The following MALT1 variants were observed in gnomAD, a reference collection of about 807,000 sequenced individuals.
MALT1 encodes the protein MALT1 paracaspase, also known as mucosa-associated lymphoid tissue lymphoma translocation protein 1.
A neutral mutation model predicts 85.5 loss-of-function variants in MALT1; 36 were observed. The observed-to-expected ratio is 0.42, with a 90% confidence interval of 0.32 to 0.56. MALT1 has a LOEUF of 0.56. Among genes scored for constraint, MALT1 ranks in the 20% least tolerant of loss-of-function variants. The pLI is 0.10. For synonymous variants in MALT1, 359 were observed against 361.3 expected (o/e 0.99, Z 0.07); for missense variants, 716 against 981.6 (o/e 0.73, Z 3.62).
At chr18:58,744,558 T>G in intron 15 of MALT1, 63 bp downstream of exon 15, 1 of 991,300 alleles carries the variant, frequency 1.0e-6, no homozygotes, top group Non-Finnish European at 1.5e-6. Flanking sequence ...ACTAAATTTT[T>G]TAAAACTTAA....
rs1276481087 is a variant in MALT1 at position 58,752,174 on chromosome 18, A to G, written c.*4332A>G. 6.6e-6 allele frequency: 1 copy of G among 152,106 alleles called. No individual in the cohort carries two copies. The highest frequency in any genetic ancestry group is 6.5e-5 in the Admixed American group (1 of 15,272). The allele number at this position is 152,106 out of a possible 1,614,324, so 9.4% of individuals were successfully genotyped here. A position where few individuals can be genotyped will look rare whatever the true frequency, so the allele number is the denominator to read the frequency against. The stretch of plus-strand genomic sequence containing the variant: ...ATAAGCTTTTTTTTGTTTGTTTTTA[A>G]TTTTATTAGAAGTGGGATCTCATTT... On this transcript the variant is annotated 3_prime_UTR_variant, in exon 17 of 17. Coordinates refer to ENST00000649217, the MANE Select transcript of MALT1 (RefSeq NM_006785.4).
In MALT1 at chr18:58,726,258, G is replaced by A. The variant is rs532779479; in HGVS notation, c.1222+3007G>A. Among the ~76,000 whole-genome samples the A allele has an allele frequency of 5.8e-4, 89 of 152,298 alleles. 1 individual carries two copies. The highest frequency in any genetic ancestry group is 2.0e-3 in the African/African-American group (85 of 41,560). On this transcript the variant is annotated intron_variant, in intron 10 of 16. Transcript: ENST00000649217. ...GAAAACTTTTAAATCCTACTGATTCGTGTCTTAACAGGGTGGCTGCATTAT... is the reference window on the plus strand; with the variant it reads ...GAAAACTTTTAAATCCTACTGATTCATGTCTTAACAGGGTGGCTGCATTAT...
intron 1 of MALT1, among the ~76,000 whole-genome samples, chr18:58,675,616 T>C (rs112361301): frequency 4.3e-4 from 65 of 152,354 alleles, no homozygotes; most frequent in Middle Eastern, 3.4e-3. Flanking sequence ...ATAATTAATA[T>C]GGACAAGACA....
intron 13 of MALT1, among the ~76,000 whole-genome samples, chr18:58,735,596 A>G (rs1483391646): frequency 6.6e-6 from 1 of 152,088 alleles, no homozygotes; most frequent in East Asian, 1.9e-4. Context: ...ACAGTCATTA[A>G]TAAAGTTGAA....
intron 10 of MALT1, among the ~76,000 whole-genome samples, chr18:58,725,134 A>G (rs1405266488): frequency 6.6e-6 from 1 of 151,506 alleles, no homozygotes; most frequent in Non-Finnish European, 1.5e-5. Flanking sequence ...CGTCTCAAAA[A>G]AAAAAAAAAT....
chr18:58,691,412 G>C, intron 2 of MALT1: 3 of 512,630 alleles, frequency 5.9e-6, no homozygotes, highest in Non-Finnish European at 1.0e-5. Context: ...TCTCGGAGCA[G>C]CCCGTGGTTG....
At chr18:58,733,814 C>T in intron 11 of MALT1, 1 of 1,015,468 alleles carries the variant, frequency 9.8e-7, no homozygotes, top group Non-Finnish European at 1.3e-6. Flanking sequence ...TTTACTCACA[C>T]TACAGGGGAT....
In MALT1 at chr18:58,748,516, C is replaced by A. The variant is rs552403166; in HGVS notation, c.*674C>A. ...GTATATAAATCTGTTATAGAACAGGCTGAAATTTCTTGTTCATAAGATTAT... is the reference window on the plus strand; with the variant it reads ...GTATATAAATCTGTTATAGAACAGGATGAAATTTCTTGTTCATAAGATTAT... On this transcript the variant is annotated 3_prime_UTR_variant, in exon 17 of 17. Transcript: ENST00000649217. The A allele has an allele frequency of 2.1e-5, 4 of 186,068 alleles. No individual in the cohort carries two copies. The South Asian group carries it at 7.8e-4, about 36-fold the overall frequency. 11.5% of individuals were successfully genotyped at this position (186,068 alleles called of 1,614,324 possible).
At chr18:58,706,135 G>A (rs555902003) in intron 4 of MALT1, among the ~76,000 whole-genome samples, 52 of 151,956 alleles carry the variant, frequency 3.4e-4, no homozygotes, top group African/African-American at 1.2e-3. Flanking sequence ...ACAGGCGCCC[G>A]CCACCACGCC....
At chr18:58,742,304 A>G (rs1411622671) in intron 14 of MALT1, among the ~76,000 whole-genome samples, 2 of 152,152 alleles carry the variant, frequency 1.3e-5, no homozygotes, top group African/African-American at 2.4e-5. Flanking sequence ...CTAATACACA[A>G]TCCTTTAGAT....
chr18:58,686,336 C>A (rs975025753), intron 2 of MALT1, among the ~76,000 whole-genome samples: 2 of 152,152 alleles, frequency 1.3e-5, no homozygotes, highest in African/African-American at 4.8e-5. Context: ...CTATTTGTTT[C>A]TTTTGTTTTA....
intron 9 of MALT1, among the ~76,000 whole-genome samples, chr18:58,719,316 CCTCT>C (rs955272000): frequency 2.1e-5 from 3 of 145,482 alleles, no homozygotes; most frequent in Non-Finnish European, 3.0e-5. Context: ...AATCTCCCTC[CCTCT>C]CTCTCTCTCT....
chr18:58,698,442 C>G (rs1041850363), intron 3 of MALT1, among the ~76,000 whole-genome samples: 7 of 152,140 alleles, frequency 4.6e-5, no homozygotes, highest in Non-Finnish European at 1.0e-4. Context: ...GTCTTAATAC[C>G]TGTGCTTGAC....
Position 58,684,858 on chromosome 18 carries a change from G to A in MALT1, c.376+3522G>A, listed in dbSNP as rs139250609. On this transcript the variant is annotated intron_variant, in intron 2 of 16. Coordinates refer to ENST00000649217, the MANE Select transcript of MALT1 (RefSeq NM_006785.4). ...AAAACTATTTTAATTATATTAAGAA[G>A]ATAAGCTCTGATAGAATCAACTTAA... Among the ~76,000 whole-genome samples the A allele has an allele frequency of 5.3e-5, 8 of 152,308 alleles. No homozygotes were observed. In the East Asian group the frequency reaches 1.5e-3, roughly 29 times the overall value.
At chr18:58,732,274 T>TG (rs906695846) in intron 10 of MALT1, among the ~76,000 whole-genome samples, 6 of 152,218 alleles carry the variant, frequency 3.9e-5, no homozygotes, top group African/African-American at 1.4e-4. Flanking sequence ...AGTACTTTTA[T>TG]GAAGAAGTTC....
In MALT1 at chr18:58,700,444, C is replaced by A. The variant is rs560703292; in HGVS notation, c.502C>A (p.Pro168Thr). 224 of 1,592,752 alleles carry A rather than the reference C, an allele frequency of 1.4e-4. 2 individuals are homozygous for A. In the South Asian group the frequency reaches 2.4e-3, roughly 17 times the overall value. Residue 168 changes from proline to threonine, a missense_variant, in exon 4 of 17, where the codon CCA becomes ACA. By Grantham distance (38) the Pro-to-Thr change is conservative (BLOSUM62 -1). Around this residue, in one of 4 missense-constraint regions of MALT1, gnomAD observed 290 missense variants for 380.5 expected, o/e 0.76. Coordinates refer to ENST00000649217, the MANE Select transcript of MALT1 (RefSeq NM_006785.4). ...TCTCTTATTGATTCTTTCACAGATT[C>A]CAAATGGAAATACATCAGAGCTTAT... ...YQWFKMNKEI[P>T]NGNTSELIFN...
At chr18:58,717,636 C>T (rs1299996856) in intron 9 of MALT1, among the ~76,000 whole-genome samples, 1 of 151,316 alleles carries the variant, frequency 6.6e-6, no homozygotes, top group Non-Finnish European at 1.5e-5. Flanking sequence ...ATCCCAGCTA[C>T]TCGGGAAGCT....
chr18:58,728,532 G>A (rs2055097846), intron 10 of MALT1, among the ~76,000 whole-genome samples: 1 of 152,184 alleles, frequency 6.6e-6, no homozygotes, highest in Non-Finnish European at 1.5e-5. Flanking sequence ...TTGAGCCTGT[G>A]AGGTCGAAGC....
chr18:58,687,331 G>A (rs2054419347), intron 2 of MALT1, among the ~76,000 whole-genome samples: 1 of 152,134 alleles, frequency 6.6e-6, no homozygotes, highest in Non-Finnish European at 1.5e-5. Flanking sequence ...GGAGTCTCAG[G>A]CAATGTAACA....
Sources: allele counts gnomAD v4.1 joint callset (sites outside exome capture counted in the v4.1 genomes callset), GRCh38; gene constraint gnomAD v4.1.1; regional missense constraint gnomAD v4.1.1; transcripts MANE v1.5; gene names NCBI Gene and HGNC (gene_info 2026-07-23, HGNC 2026-07-21).